The following IL1RAPL2 variants were observed in gnomAD, a reference collection of about 807,000 sequenced individuals.
IL1RAPL2 encodes the protein interleukin 1 receptor accessory protein like 2, also known as X-linked interleukin-1 receptor accessory protein-like 2.
Under a neutral mutation model 44.1 loss-of-function variants are expected in IL1RAPL2, and 3 were observed. The observed-to-expected ratio is 0.07, with a 90% CI of 0.03 to 0.18. The LOEUF (loss-of-function observed/expected upper bound fraction) is 0.18, where lower values mean the gene tolerates loss of function less well. IL1RAPL2 is among the 10% of genes least tolerant of loss of function. The pLI, the probability that IL1RAPL2 is intolerant of heterozygous loss-of-function variation, is 1.00. For missense variants in IL1RAPL2, 391 were observed against 496.4 expected (o/e 0.79, Z 2.02); for synonymous variants, 181 against 178.8 (o/e 1.01, Z -0.10).
At chrX:105,703,691 T>G (rs2038139608) in intron 6 of IL1RAPL2, among the ~76,000 whole-genome samples, 1 of 111,511 alleles carries the variant, frequency 9.0e-6, no homozygotes, top group Non-Finnish European at 1.9e-5. Context: ...CTAACTGCAT[T>G]AGAGAAAGAT....
intron 2 of IL1RAPL2, among the ~76,000 whole-genome samples, chrX:104,908,371 G>A (rs1357901290): frequency 1.8e-4 from 20 of 111,359 alleles, no homozygotes; most frequent in South Asian, 3.8e-4. Context: ...TATTTTGCTC[G>A]TTAGTTGATG....
intron 10 of IL1RAPL2, among the ~76,000 whole-genome samples, chrX:105,759,433 A>G (rs190831463): frequency 8.9e-6 from 1 of 112,352 alleles, no homozygotes; most frequent in East Asian, 2.8e-4. Flanking sequence ...TATTTATAGA[A>G]AGACTATGAG....
At chrX:105,368,491 T>A (rs2147716057) in intron 5 of IL1RAPL2, among the ~76,000 whole-genome samples, 1 of 112,129 alleles carries the variant, frequency 8.9e-6, no homozygotes, top group South Asian at 3.7e-4. Flanking sequence ...CTTTCAGCTT[T>A]ATGAATATAT....
Position 104,907,475 on chromosome X carries a change from T to G in IL1RAPL2, c.82+248480T>G, listed in dbSNP as rs111972655. Among the ~76,000 whole-genome samples, 490 of 111,467 alleles carry G rather than the reference T, an allele frequency of 4.4e-3. 2 individuals carry two copies. Among genetic ancestry groups the G allele is most frequent in the African/African-American group, 0.015 (457 of 30,686 alleles). ...ATTTCCCTCTACACACTGCCTTGAA[T>G]GTGTCCCAGAGATTCTGGTATGTTG... On this transcript the variant is annotated intron_variant, in intron 2 of 10. Transcript: ENST00000372582.
At chrX:105,322,355 C>A (rs960499755) in intron 5 of IL1RAPL2, among the ~76,000 whole-genome samples, 1 of 112,290 alleles carries the variant, frequency 8.9e-6, no homozygotes, top group African/African-American at 3.2e-5. Context: ...TTCCCAGTTT[C>A]TTTAGGTCAG....
chrX:104,828,690 C>A (rs1194578945), intron 2 of IL1RAPL2, among the ~76,000 whole-genome samples: 2 of 112,585 alleles, frequency 1.8e-5, no homozygotes, highest in African/African-American at 6.5e-5. Flanking sequence ...TCAGAGCCAG[C>A]AGGCAGGAAT....
intron 2 of IL1RAPL2, among the ~76,000 whole-genome samples, chrX:104,858,789 A>G (rs1320527366): frequency 8.9e-6 from 1 of 112,073 alleles, no homozygotes; most frequent in Admixed American, 9.5e-5. Flanking sequence ...GGTATTACAC[A>G]TAAAGACAAG....
intron 5 of IL1RAPL2, among the ~76,000 whole-genome samples, chrX:105,286,376 T>C (rs1274429075): frequency 9.1e-6 from 1 of 109,918 alleles, no homozygotes; most frequent in East Asian, 2.9e-4. Flanking sequence ...ATTTCCACTT[T>C]GCTATTGTCA....
rs1399802536 is a variant in IL1RAPL2 at position 105,263,372 on chromosome X, A to G, written c.544-4016A>G. Among the ~76,000 whole-genome samples, 3 of 111,685 alleles carry G rather than the reference A, an allele frequency of 2.7e-5. No individual in the cohort carries two copies. In the East Asian group the frequency reaches 8.5e-4, roughly 32 times the overall value. On this transcript the variant is annotated intron_variant, in intron 4 of 10. Transcript: ENST00000372582. ...CTTAAACCTCAGAATCAGAAGAAAT[A>G]TTGAAATCAATCTTCCTGATGTTCT...
chrX:105,361,803 C>G (rs1401675045), intron 5 of IL1RAPL2, among the ~76,000 whole-genome samples: 1 of 111,658 alleles, frequency 9.0e-6, no homozygotes, highest in Non-Finnish European at 1.9e-5. Context: ...AATTTCAAGT[C>G]TATGTAGAAG....
intron 6 of IL1RAPL2, among the ~76,000 whole-genome samples, chrX:105,518,789 G>T (rs978851976): frequency 4.5e-5 from 5 of 111,350 alleles, no homozygotes; most frequent in Non-Finnish European, 9.4e-5. Context: ...GTAAAAAGTT[G>T]TAAGTAGATT....
chrX:104,592,138 C>T (rs184248324), intron 1 of IL1RAPL2, among the ~76,000 whole-genome samples: 36 of 45,851 alleles, frequency 7.9e-4, no homozygotes, highest in African/African-American at 2.2e-3. Flanking sequence ...TTTTTTAATG[C>T]CCGTATATGT....
chrX:104,885,673 C>A (rs1399500520), intron 2 of IL1RAPL2, among the ~76,000 whole-genome samples: 1 of 112,046 alleles, frequency 8.9e-6, no homozygotes, highest in African/African-American at 3.2e-5. Flanking sequence ...AAAGCTAGAT[C>A]AGAGAAAGGC....
rs1383292631 is a variant in IL1RAPL2, at chrX:105,356,236, A to G, written c.697+88695A>G. On this transcript the variant is annotated intron_variant, in intron 5 of 10. Coordinates refer to ENST00000372582, the MANE Select transcript of IL1RAPL2 (RefSeq NM_017416.2). ...CTGGAGTTTCCATGAAGTTATGGGT[A>G]GGGTGATAGATTTACATTGAAATAT... Among the ~76,000 whole-genome samples the G allele has an allele frequency of 6.4e-5, 7 of 110,124 alleles. No individual in the cohort carries two copies. The East Asian group carries it at 1.7e-3, about 27-fold the overall frequency.
At chrX:105,356,403 A>T (rs2035203503) in intron 5 of IL1RAPL2, among the ~76,000 whole-genome samples, 1 of 111,696 alleles carries the variant, frequency 9.0e-6, no homozygotes, top group South Asian at 3.7e-4. Context: ...GATAGTTCAT[A>T]TTGCACATAA....
At position 105,646,312 on chromosome X, in the gene IL1RAPL2, C is replaced by T. The variant is rs749176523; in HGVS notation, c.773-71055C>T. 2.3e-4 allele frequency among the ~76,000 whole-genome samples: 26 copies of T among 111,991 alleles called. 1 individual carries two copies. The South Asian group carries it at 8.6e-3, about 37-fold the overall frequency. On this transcript the variant is annotated intron_variant, in intron 6 of 10. Coordinates refer to ENST00000372582, the MANE Select transcript of IL1RAPL2 (RefSeq NM_017416.2). The stretch of plus-strand genomic sequence containing the variant: ...AGTTCAAACCCTGAGGCTTTTCATT[C>T]TCTGAAGAGGGGCTGGATTAGGAAG...
chrX:105,707,702 T>C (rs1353894644), intron 6 of IL1RAPL2, among the ~76,000 whole-genome samples: 4 of 112,232 alleles, frequency 3.6e-5, no homozygotes, highest in Non-Finnish European at 7.5e-5. Context: ...CTGAGAATAA[T>C]AATACCTTAC....
intron 5 of IL1RAPL2, chrX:105,405,917 C>A (rs1200837613): frequency 6.8e-6 from 8 of 1,170,543 alleles, no homozygotes; most frequent in Non-Finnish European, 9.3e-6. Context: ...TTGCTTTGAT[C>A]AGGGATGATG....
intron 5 of IL1RAPL2, among the ~76,000 whole-genome samples, chrX:105,284,696 T>G: frequency 8.9e-6 from 1 of 111,872 alleles, no homozygotes; most frequent in East Asian, 2.8e-4. Flanking sequence ...TATGTATTAT[T>G]ATCTTACTGG....
Sources: allele counts gnomAD v4.1 joint callset (sites outside exome capture counted in the v4.1 genomes callset), GRCh38; gene constraint gnomAD v4.1.1; transcripts MANE v1.5; gene names NCBI Gene and HGNC (gene_info 2026-07-23, HGNC 2026-07-21).